The following SLC24A3 variants were observed in gnomAD, a reference collection of about 807,000 sequenced individuals.
SLC24A3 encodes the protein solute carrier family 24 member 3, also known as sodium/potassium/calcium exchanger 3.
In SLC24A3, 28 loss-of-function variants were observed where a neutral mutation model predicts 75.8. That is an observed-to-expected ratio of 0.37 (90% confidence interval 0.27 to 0.51). The LOEUF (loss-of-function observed/expected upper bound fraction) is 0.51, where lower values mean the gene tolerates loss of function less well. Ranked by LOEUF, SLC24A3 falls within the 20% of genes least tolerant of loss-of-function variation. The pLI is 0.94. For synonymous variants in SLC24A3, 372 were observed against 334.1 expected (o/e 1.11, Z -1.24); for missense variants, 663 against 847.8 (o/e 0.78, Z 2.71).
intron 1 of SLC24A3, among the ~76,000 whole-genome samples, chr20:19,266,701 C>A (rs370470580): frequency 1.3e-5 from 2 of 152,082 alleles, no homozygotes; most frequent in East Asian, 1.9e-4. Context: ...ACACATTTGG[C>A]AGGTTTGCAG....
At chr20:19,395,580 A>G (rs1600463050) in intron 2 of SLC24A3, among the ~76,000 whole-genome samples, 1 of 152,374 alleles carries the variant, frequency 6.6e-6, no homozygotes, top group East Asian at 1.9e-4. Flanking sequence ...TCCTGCTCAC[A>G]TGAGCAGAGA....
chr20:19,589,758 G>A (rs1451152105), intron 6 of SLC24A3, among the ~76,000 whole-genome samples: 1 of 152,084 alleles, frequency 6.6e-6, no homozygotes, highest in African/African-American at 2.4e-5. Flanking sequence ...ACTAGATTCT[G>A]TAAAAATATT....
chr20:19,695,822 T>C (rs2032798428), intron 13 of SLC24A3: 1 of 152,126 alleles, frequency 6.6e-6, no homozygotes, highest in Non-Finnish European at 1.5e-5. Context: ...AGTGTACACA[T>C]TACGTAGCAC....
chr20:19,222,783 C>CCCTTCCTTCCTTCCTT (rs71198012), intron 1 of SLC24A3, among the ~76,000 whole-genome samples: 4,296 of 75,774 alleles, frequency 0.057, 339 homozygotes, highest in African/African-American at 0.14. Context: ...TCCCCTCCCT[C>CCCTTCCTTCCTTCCTT]CCTTCCTTCC....
chr20:19,720,932 AC>A, intron 16 of SLC24A3, 58 bp from the exon 17 acceptor site: 2 of 1,593,930 alleles, frequency 1.3e-6, no homozygotes, highest in East Asian at 2.2e-5. Flanking sequence ...TCCCCTACCA[AC>A]CCCCCAAAGG....
chr20:19,645,392 A>G (rs1246308182), intron 6 of SLC24A3, among the ~76,000 whole-genome samples: 1 of 152,206 alleles, frequency 6.6e-6, no homozygotes, highest in Non-Finnish European at 1.5e-5. Flanking sequence ...TAGATCAGGG[A>G]TCACAGATGC....
chr20:19,364,557 T>C (rs187970344), intron 2 of SLC24A3, among the ~76,000 whole-genome samples: 4 of 152,262 alleles, frequency 2.6e-5, no homozygotes, highest in East Asian at 3.9e-4. Context: ...CCGGGCTCAG[T>C]TGATTCTCTA....
At chr20:19,411,039 G>A (rs1033745021) in intron 2 of SLC24A3, among the ~76,000 whole-genome samples, 3 of 152,132 alleles carry the variant, frequency 2.0e-5, no homozygotes, top group Admixed American at 6.5e-5. Flanking sequence ...ACACATTTAC[G>A]ATTTGGTTTC....
intron 6 of SLC24A3, among the ~76,000 whole-genome samples, chr20:19,637,170 G>A (rs1029574950): frequency 2.3e-4 from 35 of 152,324 alleles, no homozygotes; most frequent in African/African-American, 8.2e-4. Flanking sequence ...ACATGGCGGT[G>A]CATGCCTGTA....
At chr20:19,624,856 T>C (rs1424244221) in intron 6 of SLC24A3, among the ~76,000 whole-genome samples, 1 of 152,242 alleles carries the variant, frequency 6.6e-6, no homozygotes, top group Non-Finnish European at 1.5e-5. Context: ...CATTTATCTA[T>C]TGCTATGTCA....
chr20:19,601,528 C>A, intron 6 of SLC24A3, among the ~76,000 whole-genome samples: 1 of 152,202 alleles, frequency 6.6e-6, no homozygotes, highest in African/African-American at 2.4e-5. Context: ...CATGCTCCCC[C>A]TTCTGACTCC....
At chr20:19,216,848 G>T (rs568383192) in intron 1 of SLC24A3, among the ~76,000 whole-genome samples, 1 of 152,234 alleles carries the variant, frequency 6.6e-6, no homozygotes, top group South Asian at 2.1e-4. Flanking sequence ...TTTGGATGGG[G>T]GTAATGGGGC....
chr20:19,468,947 A>G (rs1987816138), intron 2 of SLC24A3, among the ~76,000 whole-genome samples: 1 of 152,146 alleles, frequency 6.6e-6, no homozygotes, highest in Admixed American at 6.5e-5. Context: ...GAGGGATTGG[A>G]GCCCTGAGGG....
At chr20:19,331,372 ATAGG>A (rs936251609) in intron 2 of SLC24A3, among the ~76,000 whole-genome samples, 53 of 152,216 alleles carry the variant, frequency 3.5e-4, no homozygotes, top group South Asian at 1.2e-3. Flanking sequence ...TGGTGGACAG[ATAGG>A]TAGGTAGGTA....
intron 2 of SLC24A3, among the ~76,000 whole-genome samples, chr20:19,417,665 A>G (rs1303581785): frequency 6.6e-6 from 1 of 152,176 alleles, no homozygotes; most frequent in African/African-American, 2.4e-5. Flanking sequence ...AATTACGTAA[A>G]CTTCTAGATA....
intron 3 of SLC24A3, among the ~76,000 whole-genome samples, chr20:19,571,911 G>A (rs1056904172): frequency 2.6e-5 from 4 of 152,168 alleles, no homozygotes; most frequent in Non-Finnish European, 5.9e-5. Flanking sequence ...CTCCCCTCTT[G>A]TTTTAATGTG....
chr20:19,669,662 G>A (rs1340053421), intron 8 of SLC24A3, among the ~76,000 whole-genome samples: 1 of 152,128 alleles, frequency 6.6e-6, no homozygotes, highest in Non-Finnish European at 1.5e-5. Context: ...CGATGGTTTG[G>A]TTTCTTCTTT....
chr20:19,254,536 A>G (rs1982753083), intron 1 of SLC24A3, among the ~76,000 whole-genome samples: 2 of 152,208 alleles, frequency 1.3e-5, no homozygotes, highest in East Asian at 1.9e-4. Flanking sequence ...CTTTCCTTCC[A>G]GTTTAATAAA....
At chr20:19,679,587 G>GGGGAGA (rs1166248162) in intron 9 of SLC24A3, among the ~76,000 whole-genome samples, 5 of 150,758 alleles carry the variant, frequency 3.3e-5, no homozygotes, top group East Asian at 3.9e-4. Context: ...CGGAGACCGT[G>GGGGAGA]GGGAGAGGGA....
Sources: gnomAD v4.1 joint callset for allele counts (sites outside exome capture counted in the v4.1 genomes callset) on GRCh38, gnomAD v4.1.1 for gene constraint, MANE v1.5 for transcripts, NCBI Gene and HGNC (gene_info 2026-07-23, HGNC 2026-07-21) for gene names.